The following NAV1 variants were observed in gnomAD, a reference collection of about 807,000 sequenced individuals.
NAV1 encodes the protein neuron navigator 1, also known as pore membrane and/or filament interacting like protein 3.
NAV1 carries 18 observed loss-of-function variants against 175.2 expected under a neutral mutation model. The ratio of observed to expected loss-of-function variants is 0.10; its 90% CI spans 0.07 to 0.15. NAV1 has a LOEUF of 0.15. Ranked by LOEUF, NAV1 falls within the 10% of genes least tolerant of loss-of-function variation. NAV1 has a pLI of 1.00. For missense variants in NAV1, 1,731 were observed against 2,436.6 expected (o/e 0.71, Z 6.10); for synonymous variants, 897 against 978.7 (o/e 0.92, Z 1.56).
chr1:201,722,194 G>A (rs1342799187), intron 3 of NAV1, among the ~76,000 whole-genome samples: 2 of 152,144 alleles, frequency 1.3e-5, no homozygotes, highest in Middle Eastern at 3.4e-3. Flanking sequence ...CCATCATCAC[G>A]TCCATCTCCA....
Position 201,785,318 on chromosome 1 carries a change from G to A in NAV1, c.2813G>A (p.Arg938Gln), listed in dbSNP as rs762463782. 60 of 1,609,578 alleles carry A rather than the reference G, an allele frequency of 3.7e-5. No individual in the cohort carries two copies. The Admixed American group carries it at 4.9e-4, about 13-fold the overall frequency. The stretch of plus-strand genomic sequence containing the variant: ...TTTTTTTATCTCCACAGTAATCAGC[G>A]GGATCGGAACACTCTTCCCAAGAAA... Residue 938 changes from arginine (R) to glutamine (Q), a missense_variant, in exon 8 of 30, where the codon CGG (arginine) becomes CAG (glutamine). Physicochemically the swap from Arg to Gln is conservative, Grantham distance 43. Transcript: ENST00000367296.
In NAV1 at chr1:201,810,152, G is replaced by A. The variant is rs775337571; in HGVS notation, c.4561+47G>A. 9 of 1,597,660 alleles carry A rather than the reference G, an allele frequency of 5.6e-6. No individual in the cohort carries two copies. Among genetic ancestry groups the A allele is most frequent in the Non-Finnish European group, 7.7e-6 (9 of 1,169,578 alleles). ...TGAGGTGGTGTGGCATGAAGGCAGGGACAGGATCATCAAATAATCCATCAT... is the reference window on the plus strand; with the variant it reads ...TGAGGTGGTGTGGCATGAAGGCAGGAACAGGATCATCAAATAATCCATCAT... On this transcript the variant is annotated intron_variant, in intron 23 of 29. Transcript: ENST00000367296. The surrounding 1 kb of genome is among the most constrained non-coding windows in gnomAD (Gnocchi z 6.0).
At chr1:201,563,362 G>A (rs1666259210) in intron 1 of NAV1, among the ~76,000 whole-genome samples, 1 of 152,082 alleles carries the variant, frequency 6.6e-6, no homozygotes, top group Non-Finnish European at 1.5e-5. Context: ...TTTTTCTGGT[G>A]TATCTTTCTG....
At position 201,759,211 on chromosome 1, in the gene NAV1, T is replaced by C. The variant is rs186789818; in HGVS notation, c.1227-21210T>C. ...GTATAATGTAAAATGCATGCCCTTT[T>C]GTGTCATTATAAAAGGCAGCACATT... On this transcript the variant is annotated intron_variant, in intron 3 of 29. Coordinates refer to ENST00000367296, the Ensembl canonical transcript of NAV1. Among the ~76,000 whole-genome samples, 115 of 152,354 alleles carry C rather than the reference T, an allele frequency of 7.5e-4. 1 individual carries two copies. The highest frequency in any genetic ancestry group is 1.4e-3 in the Non-Finnish European group (97 of 68,032).
intron 1 of NAV1, among the ~76,000 whole-genome samples, chr1:201,542,483 G>A (rs1037538257): frequency 6.6e-6 from 1 of 152,046 alleles, no homozygotes; most frequent in Non-Finnish European, 1.5e-5. Flanking sequence ...CTAGTCTAGC[G>A]AAAAACACCC....
intron 1 of NAV1, among the ~76,000 whole-genome samples, chr1:201,547,177 C>T (rs1665699019): frequency 6.6e-6 from 1 of 151,810 alleles, no homozygotes; most frequent in African/African-American, 2.4e-5. Flanking sequence ...TTAGTAGAGA[C>T]GGGGTTTCTC....
chr1:201,560,513 T>C (rs1037613105), intron 1 of NAV1, among the ~76,000 whole-genome samples: 1 of 152,198 alleles, frequency 6.6e-6, no homozygotes, highest in Non-Finnish European at 1.5e-5. Context: ...AAGAGCCCAG[T>C]GACCCTGCAT....
At chr1:201,650,050 C>G (rs887930552) in intron 1 of NAV1, among the ~76,000 whole-genome samples, 2 of 152,242 alleles carry the variant, frequency 1.3e-5, no homozygotes, top group Non-Finnish European at 2.9e-5. Flanking sequence ...ACCTCAGCCC[C>G]GGCTCTGGCC....
At chr1:201,802,649 G>A (rs1289634931) in intron 15 of NAV1, among the ~76,000 whole-genome samples, 8 of 151,098 alleles carry the variant, frequency 5.3e-5, no homozygotes, top group Non-Finnish European at 8.9e-5. Flanking sequence ...GCCTGGTGGC[G>A]GGTGCCTGTA....
intron 1 of NAV1, among the ~76,000 whole-genome samples, chr1:201,586,994 A>C (rs192271765): frequency 1.2e-4 from 18 of 152,272 alleles, no homozygotes; most frequent in Admixed American, 9.8e-4. Context: ...ACTTGAGCCC[A>C]GGAATCTGAG....
intron 3 of NAV1, among the ~76,000 whole-genome samples, chr1:201,728,387 T>A (rs1176484392): frequency 1.3e-5 from 2 of 150,420 alleles, no homozygotes; most frequent in African/African-American, 2.4e-5. Context: ...AGGTCAGGAG[T>A]TCAAGACCAG....
exon 1 of NAV1, chr1:201,648,867 T>G (rs1343945800): frequency 1.2e-6 from 2 of 1,612,252 alleles, no homozygotes; most frequent in East Asian, 4.5e-5. Context: ...GCTGAAGGTC[T>G]TCAAGTCCGG....
chr1:201,633,856 G>C (rs1322699541), intron 2 of NAV1, among the ~76,000 whole-genome samples: 4 of 152,216 alleles, frequency 2.6e-5, no homozygotes, highest in Admixed American at 2.0e-4. Context: ...TGCTGTTGTG[G>C]GGCAGAGGTG....
intron 3 of NAV1, among the ~76,000 whole-genome samples, chr1:201,760,421 A>C (rs1674768547): frequency 6.6e-6 from 1 of 152,252 alleles, no homozygotes; most frequent in Admixed American, 6.5e-5. Flanking sequence ...AAACAGCCTC[A>C]TCTTTTACCT....
upstream of NAV1, among the ~76,000 whole-genome samples, chr1:201,644,690 G>C (rs905928008): frequency 6.6e-6 from 1 of 152,224 alleles, no homozygotes; most frequent in African/African-American, 2.4e-5. Flanking sequence ...AGAGTGTGGA[G>C]CACTAGGTTT....
chr1:201,551,827 G>A (rs1041278458), intron 1 of NAV1, among the ~76,000 whole-genome samples: 3 of 152,180 alleles, frequency 2.0e-5, no homozygotes, highest in South Asian at 2.1e-4. Flanking sequence ...GTGTTAGGCT[G>A]GCAACCCATT....
At chr1:201,786,145 C>T (rs1302395714) in intron 8 of NAV1, among the ~76,000 whole-genome samples, 1 of 152,174 alleles carries the variant, frequency 6.6e-6, no homozygotes, top group African/African-American at 2.4e-5. Flanking sequence ...CTGTCCTGAA[C>T]TTCTGAGGAG....
chr1:201,734,268 G>T (rs1368826860), intron 3 of NAV1, among the ~76,000 whole-genome samples: 6 of 151,544 alleles, frequency 4.0e-5, no homozygotes, highest in Non-Finnish European at 8.8e-5. Flanking sequence ...ATTAGCTGGC[G>T]ATGATGGCTT....
intron 2 of NAV1, among the ~76,000 whole-genome samples, chr1:201,615,984 T>A (rs1471127853): frequency 6.6e-6 from 1 of 151,724 alleles, no homozygotes; most frequent in East Asian, 1.9e-4. Context: ...GTACGTGGGA[T>A]GGAGGGACAC....
Sources: gnomAD v4.1 joint callset for allele counts (sites outside exome capture counted in the v4.1 genomes callset) on GRCh38, gnomAD v4.1.1 for gene constraint, Gnocchi (gnomAD v3.1) non-coding constraint, MANE v1.5 for transcripts, NCBI Gene and HGNC (gene_info 2026-07-23, HGNC 2026-07-21) for gene names.